The following HEATR5B variants were observed in gnomAD, a reference collection of about 807,000 sequenced individuals.
HEATR5B encodes the protein HEAT repeat containing 5B.
Under a neutral mutation model 224.1 loss-of-function variants are expected in HEATR5B, and 156 were observed. That is an observed-to-expected ratio of 0.70 (90% CI 0.61 to 0.80). The LOEUF (loss-of-function observed/expected upper bound fraction) is 0.80. Ranked by LOEUF, HEATR5B falls within the 30% of genes least tolerant of loss-of-function variation. The pLI is 0.00. For synonymous variants in HEATR5B, 1,027 were observed against 893.0 expected (o/e 1.15, Z -2.68); for missense variants, 2,323 against 2,535.5 (o/e 0.92, Z 1.80).
At chr2:36,987,489 T>C (rs1666028454) in intron 35 of HEATR5B, among the ~76,000 whole-genome samples, 1 of 151,724 alleles carries the variant, frequency 6.6e-6, no homozygotes, top group Non-Finnish European at 1.5e-5. Context: ...AATCATAAGA[T>C]ACTAGTTTAA....
intron 12 of HEATR5B, among the ~76,000 whole-genome samples, chr2:37,059,914 G>GTGCC (rs1427868384): frequency 1.3e-5 from 2 of 152,068 alleles, no homozygotes; most frequent in African/African-American, 4.8e-5. Flanking sequence ...GAGAGTAAAG[G>GTGCC]TGCCCCCTTG....
At chr2:37,078,764 T>C (rs1230722224) in intron 3 of HEATR5B, among the ~76,000 whole-genome samples, 1 of 152,198 alleles carries the variant, frequency 6.6e-6, no homozygotes, top group Admixed American at 6.5e-5. Flanking sequence ...TAGAGTTGTA[T>C]CCCTAGGCAT....
At position 37,027,966 on chromosome 2, in the gene HEATR5B, A is replaced by G; in HGVS notation, c.3810T>C (p.Phe1270=). ...NLCENADQAH[F]DLALARSAKL... ...TAGCAGAACGTGCCAAGGCAAGATC[A>G]AAGTGAGCCTGGTCTGCATTCTCAC... The change falls in exon 24 of 36, where the codon TTT becomes TTC. Residue 1270 remains phenylalanine (F), a synonymous_variant. Transcript: ENST00000233099. The G allele has an allele frequency of 6.2e-7, 1 of 1,614,218 alleles. No individual in the cohort carries two copies. Among genetic ancestry groups the G allele is most frequent in the Admixed American group, 1.7e-5 (1 of 60,022 alleles).
At chr2:36,994,741 TA>T (rs971406997) in intron 33 of HEATR5B, among the ~76,000 whole-genome samples, 5 of 152,178 alleles carry the variant, frequency 3.3e-5, no homozygotes, top group African/African-American at 1.2e-4. Flanking sequence ...TTAATTATTT[TA>T]AAACAAATTC....
At chr2:37,011,297 A>G (rs934893683) in intron 27 of HEATR5B, among the ~76,000 whole-genome samples, 3 of 152,234 alleles carry the variant, frequency 2.0e-5, no homozygotes, top group African/African-American at 7.2e-5. Flanking sequence ...AAGAGCACAA[A>G]AACAGGAAAC....
intron 31 of HEATR5B, 45 bp from the exon 32 acceptor site, chr2:37,002,617 T>C: frequency 6.3e-7 from 1 of 1,581,932 alleles, no homozygotes; most frequent in East Asian, 2.2e-5. Flanking sequence ...CAAAAAAAAG[T>C]ATGTAAAACA....
Position 37,040,489 on chromosome 2 carries a change from T to C in HEATR5B, c.2886A>G (p.Ile962Met). The C allele has an allele frequency of 6.2e-7, 1 of 1,610,582 alleles. No homozygotes were observed. The highest frequency in any genetic ancestry group is 8.5e-7 in the Non-Finnish European group (1 of 1,179,032). ...QTWSLHSLALIVDSSGPMYRG... is the reference protein window; with the variant it reads ...QTWSLHSLALMVDSSGPMYRG... Reference sequence around the variant, plus strand: ...GATACATCGGACCACTAGAATCCACTATCAAAGCAAGTGAATGAAGAGACC... The same window carrying C: ...GATACATCGGACCACTAGAATCCACCATCAAAGCAAGTGAATGAAGAGACC... Residue 962 changes from isoleucine to methionine, a missense_variant, in exon 20 of 36, where the codon ATA becomes ATG. Around this residue, in one of 12 missense-constraint regions of HEATR5B, gnomAD observed 44 missense variants for 39.0 expected, o/e 1.13. Transcript: ENST00000233099.
chr2:37,055,878 A>C (rs1670876717), intron 16 of HEATR5B, among the ~76,000 whole-genome samples: 1 of 152,232 alleles, frequency 6.6e-6, no homozygotes, highest in African/African-American at 2.4e-5. Context: ...CAAACTGCCT[A>C]CTAAAGCTAG....
intron 10 of HEATR5B, among the ~76,000 whole-genome samples, chr2:37,063,183 A>G (rs868531453): frequency 1.5e-4 from 23 of 152,194 alleles, no homozygotes; most frequent in Non-Finnish European, 1.8e-4. Flanking sequence ...GACAGCATTT[A>G]TTTAGTGGTC....
intron 35 of HEATR5B, among the ~76,000 whole-genome samples, chr2:36,983,474 G>C (rs1227151063): frequency 6.6e-6 from 1 of 152,192 alleles, no homozygotes; most frequent in Non-Finnish European, 1.5e-5. Context: ...GGAAGGCGGA[G>C]GTTGTGGTGA....
chr2:37,063,493 C>A (rs1318329960), intron 10 of HEATR5B, among the ~76,000 whole-genome samples: 1 of 151,842 alleles, frequency 6.6e-6, no homozygotes, highest in Non-Finnish European at 1.5e-5. Context: ...GGTCTCTGGG[C>A]AAATGTAAAA....
intron 17 of HEATR5B, among the ~76,000 whole-genome samples, chr2:37,052,575 A>C (rs1316097182): frequency 6.6e-6 from 1 of 152,208 alleles, no homozygotes; most frequent in Admixed American, 6.5e-5. Context: ...TTGCCTTCTT[A>C]AGTTGAGAAC....
intron 30 of HEATR5B, among the ~76,000 whole-genome samples, chr2:37,005,207 T>C (rs1667335433): frequency 6.6e-6 from 1 of 152,152 alleles, no homozygotes; most frequent in Non-Finnish European, 1.5e-5. Flanking sequence ...CTAGTGTTCG[T>C]ATTTGCTATT....
At chr2:37,010,167 G>A (rs1322786316) in intron 27 of HEATR5B, among the ~76,000 whole-genome samples, 2 of 151,988 alleles carry the variant, frequency 1.3e-5, no homozygotes, top group African/African-American at 4.8e-5. Flanking sequence ...ATACAAAGCT[G>A]AATAACGTAT....
chr2:37,029,625 T>C (rs987589433), intron 22 of HEATR5B, among the ~76,000 whole-genome samples: 14 of 148,852 alleles, frequency 9.4e-5, no homozygotes, highest in Non-Finnish European at 1.3e-4. Context: ...GATTGTGCCA[T>C]TGCACTCCAG....
At chr2:37,065,591 G>C (rs115395370) in intron 9 of HEATR5B, among the ~76,000 whole-genome samples, 164 bp downstream of exon 9, 1 of 152,074 alleles carries the variant, frequency 6.6e-6, no homozygotes. Context: ...TTATAGGCAC[G>C]AGCCACCACG....
Position 37,065,884 on chromosome 2 carries a change from C to T in HEATR5B, c.1204G>A (p.Glu402Lys). 1 of 1,613,032 alleles carries T rather than the reference C, an allele frequency of 6.2e-7. No individual in the cohort carries two copies. The highest frequency in any genetic ancestry group is 8.5e-7 in the Non-Finnish European group (1 of 1,179,146). Residue 402 changes from glutamate (E) to lysine (K), a missense_variant, in exon 9 of 36, where the codon GAA (glutamate) becomes AAA (lysine). Physicochemically the swap from Glu to Lys is moderately conservative, Grantham distance 56. Coordinates refer to ENST00000233099, the MANE Select transcript of HEATR5B (RefSeq NM_019024.3). ...ATGTCTGCTGCGCCAGATTTGTTTT[C>T]TCCACTTGTGTCATTCACTACTGCT... ...VEAVVNDTSGENKSGAADIAA... is the reference protein window; with the variant it reads ...VEAVVNDTSGKNKSGAADIAA...
chr2:37,048,188 G>GC (rs1553316689), intron 18 of HEATR5B, among the ~76,000 whole-genome samples: 16 of 139,152 alleles, frequency 1.1e-4, no homozygotes, highest in Non-Finnish European at 2.4e-4. Flanking sequence ...AGGACACATT[G>GC]TTTTTTTTTT....
intron 27 of HEATR5B, among the ~76,000 whole-genome samples, chr2:37,010,075 T>C (rs1667692830): frequency 6.6e-6 from 1 of 152,188 alleles, no homozygotes; most frequent in African/African-American, 2.4e-5. Context: ...TTTCCTAAAA[T>C]ATAATTTCAA....
Sources: gnomAD v4.1 joint callset for allele counts (sites outside exome capture counted in the v4.1 genomes callset) on GRCh38, gnomAD v4.1.1 for gene constraint, gnomAD v4.1.1 regional missense constraint, MANE v1.5 for transcripts, NCBI Gene and HGNC (gene_info 2026-07-23, HGNC 2026-07-21) for gene names.